The following LRP1B variants were observed in gnomAD, a reference collection of about 807,000 sequenced individuals.
LRP1B encodes the protein LDL receptor related protein 1B.
In LRP1B, 217 loss-of-function variants were observed where a neutral mutation model predicts 556.6. The observed-to-expected ratio is 0.39, with a 90% confidence interval of 0.35 to 0.44. LRP1B has a LOEUF of 0.44. LRP1B is among the 20% of genes least tolerant of loss of function. LRP1B has a pLI of 1.00. For missense variants in LRP1B, 5,053 were observed against 5,620.8 expected (o/e 0.90, Z 3.23); for synonymous variants, 2,047 against 1,865.8 (o/e 1.10, Z -2.50).
intron 7 of LRP1B, among the ~76,000 whole-genome samples, chr2:141,160,387 C>T (rs1325374808): frequency 1.3e-5 from 2 of 152,104 alleles, no homozygotes; most frequent in Non-Finnish European, 2.9e-5. Context: ...ATAGTTACAA[C>T]AATCACACTC....
intron 84 of LRP1B, 91 bp from the exon 85 acceptor site, chr2:140,274,689 T>TA: frequency 1.0e-6 from 1 of 979,938 alleles, no homozygotes; most frequent in Non-Finnish European, 1.5e-6. Flanking sequence ...ATTTATTACT[T>TA]AAAAATAATA....
At chr2:140,592,935 GACACACACACACACACAC>G (rs10594387) in intron 43 of LRP1B, among the ~76,000 whole-genome samples, 2 of 148,898 alleles carry the variant, frequency 1.3e-5, no homozygotes, top group Non-Finnish European at 3.0e-5. Context: ...GTGAGATCCT[GACACACACACACACACAC>G]ACACACACAC....
At chr2:141,895,279 G>C (rs1172558737) in intron 1 of LRP1B, among the ~76,000 whole-genome samples, 1 of 152,078 alleles carries the variant, frequency 6.6e-6, no homozygotes. Flanking sequence ...GAGTCTATGA[G>C]GTATTTGGCT....
At chr2:142,059,093 A>C (rs1221609941) in intron 1 of LRP1B, among the ~76,000 whole-genome samples, 1 of 152,122 alleles carries the variant, frequency 6.6e-6, no homozygotes, top group African/African-American at 2.4e-5. Flanking sequence ...TTGGGTTATT[A>C]ATACTAGGAT....
intron 21 of LRP1B, among the ~76,000 whole-genome samples, chr2:140,914,177 G>A (rs1694506705): frequency 6.6e-6 from 1 of 152,060 alleles, no homozygotes; most frequent in Non-Finnish European, 1.5e-5. Context: ...CAAAACTGTG[G>A]ATAGAGTGGA....
chr2:140,773,964 T>G (rs549083729), intron 33 of LRP1B, among the ~76,000 whole-genome samples: 1 of 152,266 alleles, frequency 6.6e-6, no homozygotes, highest in African/African-American at 2.4e-5. Context: ...TGTTGAAACC[T>G]CATGCCCCAA....
At chr2:141,365,712 G>GA (rs1689006990) in intron 3 of LRP1B, among the ~76,000 whole-genome samples, 3 of 115,732 alleles carry the variant, frequency 2.6e-5, no homozygotes, top group Non-Finnish European at 5.2e-5. Flanking sequence ...GAGTGCAGTG[G>GA]CCCAGGCTGG....
chr2:140,261,533 TAA>T (rs989306456), intron 86 of LRP1B, among the ~76,000 whole-genome samples: 1 of 151,800 alleles, frequency 6.6e-6, no homozygotes, highest in Non-Finnish European at 1.5e-5. Flanking sequence ...TATGAACAAA[TAA>T]ACACACCTAA....
intron 3 of LRP1B, among the ~76,000 whole-genome samples, chr2:141,316,064 G>C (rs187281915): frequency 6.6e-6 from 1 of 151,568 alleles, no homozygotes; most frequent in African/African-American, 2.4e-5. Flanking sequence ...TCTTTTCAGG[G>C]AATTTGAACA....
At chr2:140,600,467 A>G (rs936984461) in intron 42 of LRP1B, among the ~76,000 whole-genome samples, 13 of 152,126 alleles carry the variant, frequency 8.5e-5, no homozygotes, top group African/African-American at 2.9e-4. Flanking sequence ...CTATTTTCAC[A>G]CTGACCAATT....
At position 140,926,059 on chromosome 2, in the gene LRP1B, T is replaced by TTC. The variant is rs201253025; in HGVS notation, c.3137-2913_3137-2912insGA. On this transcript the variant is annotated intron_variant, in intron 20 of 90. Coordinates refer to ENST00000389484, the MANE Select transcript of LRP1B (RefSeq NM_018557.3). Reference sequence around the variant, plus strand: ...GTTATATTTACCTGGAGATTTTCTTTTTTTTTTTTTTTTTCTTCTTAAGCT... The same window carrying TTC: ...GTTATATTTACCTGGAGATTTTCTTTTCTTTTTTTTTTTTTTCTTCTTAAGCT... Among the ~76,000 whole-genome samples, 376 of 88,526 alleles carry TTC rather than the reference T, an allele frequency of 4.2e-3. 1 individual carries two copies. Among genetic ancestry groups the TTC allele is most frequent in the South Asian group, 0.018 (42 of 2,328 alleles). 58.1% of individuals were successfully genotyped at this position (88,526 alleles called of 152,430 possible).
intron 41 of LRP1B, among the ~76,000 whole-genome samples, chr2:140,661,484 A>AC (rs1408224043): frequency 1.3e-5 from 2 of 148,446 alleles, no homozygotes; most frequent in African/African-American, 2.5e-5. Flanking sequence ...AAATGATGAG[A>AC]CCCCATCTCT....
chr2:140,587,762 T>C (rs1682044362), intron 43 of LRP1B, among the ~76,000 whole-genome samples: 1 of 152,182 alleles, frequency 6.6e-6, no homozygotes, highest in Non-Finnish European at 1.5e-5. Context: ...ACTCCTGAGA[T>C]ATACACAATT....
At chr2:140,460,556 A>C (rs922957815) in intron 60 of LRP1B, among the ~76,000 whole-genome samples, 2 of 152,214 alleles carry the variant, frequency 1.3e-5, no homozygotes, top group Non-Finnish European at 2.9e-5. Context: ...ATAAAACTGC[A>C]GTTGTCTATA....
chr2:141,669,439 C>T (rs1031596134), intron 2 of LRP1B, among the ~76,000 whole-genome samples: 1 of 152,064 alleles, frequency 6.6e-6, no homozygotes, highest in Admixed American at 6.5e-5. Flanking sequence ...TTTGTTATGG[C>T]TTCCCTACAA....
chr2:141,220,769 TA>T (rs34002651), intron 6 of LRP1B, among the ~76,000 whole-genome samples: 5,245 of 137,000 alleles, frequency 0.038, 98 homozygotes, highest in African/African-American at 0.06. Flanking sequence ...TCAACATTCT[TA>T]AAAAAAAAAA....
chr2:140,536,838 G>T, intron 45 of LRP1B, 129 bp from the exon 46 acceptor site: 3 of 735,260 alleles, frequency 4.1e-6, no homozygotes, highest in Admixed American at 3.1e-5. Flanking sequence ...CAATTAAAGA[G>T]CAATGGTTTA....
intron 15 of LRP1B, among the ~76,000 whole-genome samples, chr2:140,999,102 C>G (rs1172103379): frequency 6.6e-6 from 1 of 151,968 alleles, no homozygotes; most frequent in Non-Finnish European, 1.5e-5. Flanking sequence ...AAAACCTTTA[C>G]AATTAAATAA....
chr2:140,674,051 C>T (rs993059947), intron 41 of LRP1B, among the ~76,000 whole-genome samples: 30 of 151,268 alleles, frequency 2.0e-4, no homozygotes, highest in South Asian at 1.0e-3. Flanking sequence ...TGGGTTCAAG[C>T]GATTCTCCTG....
Sources: allele counts gnomAD v4.1 joint callset (sites outside exome capture counted in the v4.1 genomes callset), GRCh38; gene constraint gnomAD v4.1.1; transcripts MANE v1.5; gene names NCBI Gene and HGNC (gene_info 2026-07-23, HGNC 2026-07-21).